CCDC171: variants seen among roughly 807,000 people sequenced by gnomAD.
CCDC171 encodes coiled-coil domain containing 171.
CCDC171 carries 177 observed loss-of-function variants against 168.2 expected under a neutral mutation model. The ratio of observed to expected loss-of-function variants is 1.05; its 90% CI spans 0.93 to 1.19. The LOEUF is 1.19. CCDC171 is among the 50% of genes most tolerant of loss of function. The pLI, the probability that CCDC171 is intolerant of heterozygous loss-of-function variation, is 0.00. For synonymous variants in CCDC171, 687 were observed against 540.8 expected (o/e 1.27, Z -3.75); for missense variants, 1,991 against 1,539.0 (o/e 1.29, Z -4.91).
Position 15,916,030 on chromosome 9 carries a change from A to G in CCDC171, c.3601-4240A>G, listed in dbSNP as rs186624163. ...TCTATTTGCTAGTATTTTGTTGAGC[A>G]TAACCATGTTATCATTGTGAGATCT... is the stretch of plus-strand genomic sequence containing the variant. On this transcript the variant is annotated intron_variant, in intron 24 of 25. Transcript: ENST00000380701. Among the ~76,000 whole-genome samples, 5 of 152,240 alleles carry G rather than the reference A, an allele frequency of 3.3e-5. No homozygotes were observed. The East Asian group carries it at 9.6e-4, about 29-fold the overall frequency.
At chr9:16,034,529 A>G (rs1833428465) in intron 6 of CCDC171, among the ~76,000 whole-genome samples, 1 of 152,140 alleles carries the variant, frequency 6.6e-6, no homozygotes, top group African/African-American at 2.4e-5. Flanking sequence ...TGGGAGTGCA[A>G]CCAAGGTTCA....
the CCDC171 span, among the ~76,000 whole-genome samples, chr9:16,071,221 A>T: frequency 4.0e-5 from 6 of 151,642 alleles, no homozygotes; most frequent in Non-Finnish European, 8.8e-5. Context: ...CTACCCCTGG[A>T]CTCTTCAGTC....
rs1438850446 is a variant in CCDC171 at position 15,724,828 on chromosome 9, C to T, written c.1544C>T (p.Thr515Ile). The change falls in exon 14 of 26, where the codon ACT becomes ATT. Residue 515 changes from threonine to isoleucine, a missense_variant. Thr to Ile is a moderately conservative substitution (Grantham distance 89). Coordinates refer to ENST00000380701, the MANE Select transcript of CCDC171 (RefSeq NM_173550.4). Reference sequence around the variant, plus strand: ...AATAAAGAGTTAAGTCATTTACACACTAAATGTGCAGACCGAGAGGCTTTA... The same window carrying T: ...AATAAAGAGTTAAGTCATTTACACATTAAATGTGCAGACCGAGAGGCTTTA... ...DVNKELSHLH[T>I]KCADREALIS... 4.3e-6 allele frequency: 7 copies of T among 1,613,664 alleles called. No homozygotes were observed. The South Asian group carries it at 7.7e-5, about 18-fold the overall frequency.
At chr9:15,781,709 G>A (rs2057676593) in intron 20 of CCDC171, among the ~76,000 whole-genome samples, 1 of 152,054 alleles carries the variant, frequency 6.6e-6, no homozygotes, top group Non-Finnish European at 1.5e-5. Context: ...CACCACACCT[G>A]GCCAGTACTT....
At chr9:15,934,874 A>T (rs1564024230) in intron 25 of CCDC171, among the ~76,000 whole-genome samples, 1 of 152,064 alleles carries the variant, frequency 6.6e-6, no homozygotes, top group Non-Finnish European at 1.5e-5. Flanking sequence ...GCACTGTGAA[A>T]TCGTTATGCT....
intron 8 of CCDC171, among the ~76,000 whole-genome samples, chr9:16,036,971 G>A (rs1044943035): frequency 2.6e-5 from 4 of 152,194 alleles, no homozygotes; most frequent in African/African-American, 9.7e-5. Context: ...TGAAAAAGTT[G>A]TGCTCATAGA....
At chr9:16,080,300 G>GT in the CCDC171 span, among the ~76,000 whole-genome samples, 11 of 152,154 alleles carry the variant, frequency 7.2e-5, no homozygotes, top group African/African-American at 2.2e-4. Flanking sequence ...CATTTTATTG[G>GT]TTTTTTTCCC....
At chr9:15,600,175 G>A (rs59445161) in intron 6 of CCDC171, among the ~76,000 whole-genome samples, 1 of 152,182 alleles carries the variant, frequency 6.6e-6, no homozygotes, top group East Asian at 1.9e-4. Context: ...GTCTTTTGCT[G>A]GTGAGGAGCT....
chr9:15,739,674 A>C (rs569355988), intron 16 of CCDC171, among the ~76,000 whole-genome samples: 4 of 152,290 alleles, frequency 2.6e-5, no homozygotes, highest in African/African-American at 9.6e-5. Context: ...CACAGTATCC[A>C]CTGAGATTTG....
intron 21 of CCDC171, among the ~76,000 whole-genome samples, chr9:15,813,069 T>G (rs562763481): frequency 6.6e-6 from 1 of 152,094 alleles, no homozygotes; most frequent in Non-Finnish European, 1.5e-5. Context: ...GGGTATTTGG[T>G]GGCCAAAAAC....
intron 21 of CCDC171, among the ~76,000 whole-genome samples, chr9:15,828,939 GGAACTGTACACTGGCAT>G (rs1345724786): frequency 6.6e-6 from 1 of 152,128 alleles, no homozygotes; most frequent in Non-Finnish European, 1.5e-5. Flanking sequence ...TGGAAGACTG[GGAACTGTACACTGGCAT>G]GTTGAGTCCT....
intron 7 of CCDC171, among the ~76,000 whole-genome samples, chr9:15,650,821 A>G (rs1012585863): frequency 2.6e-5 from 4 of 152,096 alleles, no homozygotes; most frequent in South Asian, 2.1e-4. Context: ...TAGTTAGGCT[A>G]TTCATCATCT....
At chr9:15,559,622 G>A (rs1250055026) in intron 1 of CCDC171, among the ~76,000 whole-genome samples, 1 of 152,034 alleles carries the variant, frequency 6.6e-6, no homozygotes, top group African/African-American at 2.4e-5. Flanking sequence ...AAGCCTATGT[G>A]TGTCTCTGCA....
intron 7 of CCDC171, among the ~76,000 whole-genome samples, chr9:15,655,348 G>C (rs1198171431): frequency 6.6e-6 from 1 of 152,076 alleles, no homozygotes; most frequent in Non-Finnish European, 1.5e-5. Flanking sequence ...GCTTTTCTTT[G>C]CTACTGTTAT....
At chr9:15,991,727 TA>T (rs1280957755) in intron 3 of CCDC171, among the ~76,000 whole-genome samples, 2 of 151,852 alleles carry the variant, frequency 1.3e-5, no homozygotes, top group African/African-American at 2.4e-5. Context: ...ATAGATGCAA[TA>T]AAAAATGATA....
chr9:15,986,753 G>A (rs1469973496), intron 3 of CCDC171, among the ~76,000 whole-genome samples: 2 of 152,098 alleles, frequency 1.3e-5, no homozygotes, highest in Non-Finnish European at 2.9e-5. Flanking sequence ...TTTCCATTCT[G>A]TTGTTTATGT....
At position 15,744,415 on chromosome 9, in the gene CCDC171, G is replaced by T. The variant is rs751511784; in HGVS notation, c.2192G>T (p.Cys731Phe). 1 of 1,614,158 alleles carries T rather than the reference G, an allele frequency of 6.2e-7. No individual in the cohort carries two copies. The highest frequency in any genetic ancestry group is 1.1e-5 in the South Asian group (1 of 91,082). ...QREQMSLLAA[C>F]ALMAGALYPL... ...GAACAGATGTCCTTGCTGGCAGCCT[G>T]TGCATTAATGGCTGGTGCCTTATAT... The change falls in exon 17 of 26, where the codon TGT becomes TTT. Residue 731 changes from cysteine (C) to phenylalanine (F), a missense_variant. Coordinates refer to ENST00000380701, the MANE Select transcript of CCDC171 (RefSeq NM_173550.4).
the CCDC171 span, among the ~76,000 whole-genome samples, chr9:16,081,497 A>G: frequency 6.6e-6 from 1 of 152,140 alleles, no homozygotes; most frequent in Non-Finnish European, 1.5e-5. Flanking sequence ...ATGAACAAGA[A>G]AAAATGTAGC....
In CCDC171 at chr9:15,657,152, T is replaced by G. The variant is rs752573656; in HGVS notation, c.848T>G (p.Leu283Ter). 1 of 1,609,074 alleles carries G rather than the reference T, an allele frequency of 6.2e-7. No homozygotes were observed. The highest frequency in any genetic ancestry group is 1.1e-5 in the South Asian group (1 of 90,744). Reference sequence around the variant, plus strand: ...GCAACTACTCTAAGAGTGAGGAAATTAGAAGAAAACATTGAAGCAGAAAGA... The same window carrying G: ...GCAACTACTCTAAGAGTGAGGAAATGAGAAGAAAACATTGAAGCAGAAAGA... ...FEATTLRVRK[L>*]EENIEAERAA... is the part of the protein sequence containing the mutation. The change falls in exon 8 of 26, where the codon TTA (leucine) becomes TGA (stop). Residue 283 changes from leucine (L) to a stop codon, truncating the protein, a stop_gained. Transcript: ENST00000380701. LOFTEE classifies it high-confidence loss of function.
Sources: allele counts gnomAD v4.1 joint callset (sites outside exome capture counted in the v4.1 genomes callset), GRCh38; gene constraint gnomAD v4.1.1; transcripts MANE v1.5; gene names NCBI Gene and HGNC (gene_info 2026-07-23, HGNC 2026-07-21).